Variants in CENPF observed in about 807,000 individuals in gnomAD.
CENPF encodes the protein AH antigen.
CENPF carries 214 observed loss-of-function variants against 307.3 expected under a neutral mutation model. The observed-to-expected ratio is 0.70, with a 90% confidence interval of 0.62 to 0.78. The LOEUF (loss-of-function observed/expected upper bound fraction) is 0.78, where lower values mean the gene tolerates loss of function less well. Ranked by LOEUF, CENPF falls within the 30% of genes least tolerant of loss-of-function variation. The pLI, the probability that CENPF is intolerant of heterozygous loss-of-function variation, is 0.00. For missense variants in CENPF, 3,401 were observed against 3,483.9 expected (o/e 0.98, Z 0.60); for synonymous variants, 1,259 against 1,270.6 (o/e 0.99, Z 0.19).
chr1:214,630,588 A>G lies in CENPF; in HGVS notation c.1249A>G (p.Met417Val). The change falls in exon 9 of 20, where the codon ATG (methionine) becomes GTG (valine). Residue 417 changes from methionine to valine, a missense_variant. Physicochemically the swap from Met to Val is conservative, Grantham distance 21. Transcript: ENST00000366955. ...FQTLDQECIQ[M>V]KARLTQELQQ... ...AACACTGGACCAGGAGTGCATCCAGATGAAGGCCAGACTCACCCAGGAGTT... is the reference window on the plus strand; with the variant it reads ...AACACTGGACCAGGAGTGCATCCAGGTGAAGGCCAGACTCACCCAGGAGTT... The G allele has an allele frequency of 6.2e-7, 1 of 1,614,150 alleles. No individual in the cohort carries two copies. The highest frequency in any genetic ancestry group is 1.1e-5 in the South Asian group (1 of 91,076).
rs776493372 is a variant in CENPF, at chr1:214,646,006, G to A, written c.6436G>A (p.Glu2146Lys). ...LHIAEKLKER[E>K]RENDSLKDKV... ...CATCGCAGAGAAACTGAAAGAACGC[G>A]AGCGGGAGAATGATTCACTTAAGGA... The change falls in exon 13 of 20, where the codon GAG becomes AAG. Residue 2146 changes from glutamate to lysine, a missense_variant. Transcript: ENST00000366955. 8.7e-6 allele frequency: 14 copies of A among 1,613,940 alleles called. No homozygotes were observed. Among genetic ancestry groups the A allele is most frequent in the South Asian group, 4.4e-5 (4 of 91,088 alleles).
At chr1:214,628,144 G>A (rs534572124) in intron 7 of CENPF, among the ~76,000 whole-genome samples, 1 of 152,164 alleles carries the variant, frequency 6.6e-6, no homozygotes, top group African/African-American at 2.4e-5. Flanking sequence ...GTATTATGGA[G>A]CATTCATGAC....
At chr1:214,625,648 C>CT (rs201348980) in intron 7 of CENPF, among the ~76,000 whole-genome samples, 30 of 151,250 alleles carry the variant, frequency 2.0e-4, no homozygotes, top group African/African-American at 4.6e-4. Flanking sequence ...CATTTGTTTT[C>CT]TTTTTTTTTC....
At chr1:214,644,493 A>G in intron 12 of CENPF, 64 bp from the exon 13 acceptor site, 1 of 1,446,052 alleles carries the variant, frequency 6.9e-7, no homozygotes, top group Non-Finnish European at 9.2e-7. Flanking sequence ...TAATAACTAA[A>G]TCTATTCTAT....
intron 1 of CENPF, chr1:214,605,441 G>GT (rs201067704): frequency 0.17 from 64,537 of 387,328 alleles, 242 homozygotes; most frequent in South Asian, 0.24. Context: ...AATCCGCTTT[G>GT]TTTTTTTTTT....
chr1:214,663,382 G>A (rs572534832), intron 19 of CENPF, among the ~76,000 whole-genome samples: 48 of 152,276 alleles, frequency 3.2e-4, no homozygotes, highest in African/African-American at 1.1e-3. Context: ...GCCAAGGGAC[G>A]TCTGATGACT....
Position 214,645,315 on chromosome 1 carries a change from G to A in CENPF, c.5745G>A (p.Glu1915=). The change falls in exon 13 of 20, where the codon GAG becomes GAA. Residue 1915 remains glutamate (E), a synonymous_variant. Coordinates refer to ENST00000366955, the MANE Select transcript of CENPF (RefSeq NM_016343.4). The part of the protein sequence containing the change: ...SRIRSEKASI[E]HEALYLEADL... ...TCAGATCGGAGAAAGCTAGCATTGA[G>A]CATGAAGCCCTCTACCTGGAGGCTG... The A allele has an allele frequency of 1.9e-6, 3 of 1,614,118 alleles. No individual in the cohort carries two copies. The highest frequency in any genetic ancestry group is 2.2e-5 in the South Asian group (2 of 91,086).
In CENPF at chr1:214,663,858, C is replaced by A; in HGVS notation, c.*64C>A. On this transcript the variant is annotated 3_prime_UTR_variant, in exon 20 of 20. Coordinates refer to ENST00000366955, the MANE Select transcript of CENPF (RefSeq NM_016343.4). ...CATTGAATAGATAAGGCTGTGCCTACAGGACTTCTCTTTAGTCAGGGCATG... is the reference window on the plus strand; with the variant it reads ...CATTGAATAGATAAGGCTGTGCCTAAAGGACTTCTCTTTAGTCAGGGCATG... 1 of 1,322,614 alleles carries A rather than the reference C, an allele frequency of 7.6e-7. No individual in the cohort carries two copies. Among genetic ancestry groups the A allele is most frequent in the South Asian group, 1.3e-5 (1 of 77,494 alleles). 81.9% of individuals were successfully genotyped at this position (1,322,614 alleles called of 1,614,324 possible).
intron 14 of CENPF, among the ~76,000 whole-genome samples, chr1:214,650,126 T>G (rs1331781615): frequency 6.6e-6 from 1 of 152,112 alleles, no homozygotes; most frequent in Non-Finnish European, 1.5e-5. Flanking sequence ...GATAGGGTGG[T>G]CAGCAGATTT....
At position 214,642,182 on chromosome 1, in the gene CENPF, A is replaced by G. The variant is rs1658140283; in HGVS notation, c.3844A>G (p.Ser1282Gly). 6.2e-7 allele frequency: 1 copy of G among 1,614,206 alleles called. No homozygotes were observed. The highest frequency in any genetic ancestry group is 1.1e-5 in the South Asian group (1 of 91,084). Residue 1282 changes from serine (S) to glycine (G), a missense_variant, in exon 12 of 20, where the codon AGT becomes GGT. Transcript: ENST00000366955. The stretch of plus-strand genomic sequence containing the variant: ...TTCAGGGCCTCATGAGTTGTCAACA[A>G]GTCAAAACGACAATGCACACCTTCA... ...YISGPHELST[S>G]QNDNAHLQCS...
At chr1:214,608,598 G>A in intron 1 of CENPF, 2 of 1,608,902 alleles carry the variant, frequency 1.2e-6, no homozygotes, top group African/African-American at 1.3e-5. Context: ...TGTCCAGCTC[G>A]CGCTGGCTGT....
chr1:214,630,498 A>G (rs1203095990), intron 8 of CENPF, 36 bp from the exon 9 acceptor site: 5 of 1,612,774 alleles, frequency 3.1e-6, no homozygotes, highest in Middle Eastern at 1.7e-4. Context: ...CTAGCGAACC[A>G]TCATCAGGCT....
intron 9 of CENPF, 140 bp downstream of exon 9, chr1:214,630,802 T>C: frequency 9.2e-7 from 1 of 1,087,304 alleles, no homozygotes. Context: ...GTGGAGAATG[T>C]ACAGAACCAT....
intron 17 of CENPF, among the ~76,000 whole-genome samples, chr1:214,656,511 T>G (rs1363050243): frequency 3.3e-5 from 5 of 152,206 alleles, no homozygotes; most frequent in African/African-American, 1.2e-4. Flanking sequence ...TCTGTTAGAA[T>G]CTTGTCTCCC....
At position 214,645,809 on chromosome 1, in the gene CENPF, G is replaced by A; in HGVS notation, c.6239G>A (p.Ser2080Asn). 6.2e-7 allele frequency: 1 copy of A among 1,614,212 alleles called. No individual in the cohort carries two copies. The highest frequency in any genetic ancestry group is 8.5e-7 in the Non-Finnish European group (1 of 1,180,038). ...KESESLQARL[S>N]ESDYEKLNVS... ...TCTGAAAGCCTGCAGGCCAGACTGA[G>A]TGAATCAGATTATGAAAAGCTGAAT... The change falls in exon 13 of 20, where the codon AGT becomes AAT. Residue 2080 changes from serine to asparagine, a missense_variant. Coordinates refer to ENST00000366955, the MANE Select transcript of CENPF (RefSeq NM_016343.4).
At chr1:214,650,970 T>C (rs1175690769) in intron 14 of CENPF, among the ~76,000 whole-genome samples, 2 of 152,072 alleles carry the variant, frequency 1.3e-5, no homozygotes, top group African/African-American at 4.8e-5. Flanking sequence ...GAAGGAGTGG[T>C]CAGCAGCCCC....
At position 214,640,079 on chromosome 1, in the gene CENPF, A is replaced by G. The variant is rs778851986; in HGVS notation, c.1741A>G (p.Ile581Val). Residue 581 changes from isoleucine (I) to valine (V), a missense_variant, in exon 12 of 20, where the codon ATT becomes GTT. Transcript: ENST00000366955. ...QDLLKKREHH[I>V]EQLNDKLSKT... ...CCTTTTGAAGAAAAGAGAACATCACATTGAACAACTTAATGATAAGTTAAG... is the reference window on the plus strand; with the variant it reads ...CCTTTTGAAGAAAAGAGAACATCACGTTGAACAACTTAATGATAAGTTAAG... 3 of 1,598,764 alleles carry G rather than the reference A, an allele frequency of 1.9e-6. No individual in the cohort carries two copies. The African/African-American group carries it at 4.1e-5, about 22-fold the overall frequency.
At position 214,642,948 on chromosome 1, in the gene CENPF, C is replaced by T. The variant is rs554012507; in HGVS notation, c.4610C>T (p.Thr1537Ile). 1.9e-6 allele frequency: 3 copies of T among 1,613,282 alleles called. No homozygotes were observed. The highest frequency in any genetic ancestry group is 2.2e-5 in the East Asian group (1 of 44,852). The change falls in exon 12 of 20, where the codon ACC becomes ATC. Residue 1537 changes from threonine (T) to isoleucine (I), a missense_variant. Physicochemically the swap from Thr to Ile is moderately conservative, Grantham distance 89 (BLOSUM62 -1). Coordinates refer to ENST00000366955, the MANE Select transcript of CENPF (RefSeq NM_016343.4). ...FCSSLQEENLTRKETPSAPAK... is the reference protein window; with the variant it reads ...FCSSLQEENLIRKETPSAPAK... The stretch of plus-strand genomic sequence containing the variant: ...AGCAGTCTGCAGGAGGAGAATCTGA[C>T]CAGGAAAGAAACCCCTTCGGCCCCA...
At position 214,622,064 on chromosome 1, in the gene CENPF, T is replaced by G. The variant is rs1657520099; in HGVS notation, c.866-15T>G. On this transcript the variant is annotated splice_polypyrimidine_tract_variant and intron_variant, in intron 6 of 19. Transcript: ENST00000366955. ...TATATATGAATTGGAGTGTGATTTT[T>G]GTTTGTGGTTCAAGAGCTAAGAAAC... is the stretch of plus-strand genomic sequence containing the variant. 2.5e-6 allele frequency: 4 copies of G among 1,601,422 alleles called. No individual in the cohort carries two copies. Among genetic ancestry groups the G allele is most frequent in the South Asian group, 2.2e-5 (2 of 88,984 alleles).
Sources: gnomAD v4.1 joint callset for allele counts (sites outside exome capture counted in the v4.1 genomes callset) on GRCh38, gnomAD v4.1.1 for gene constraint, MANE v1.5 for transcripts, NCBI Gene and HGNC (gene_info 2026-07-23, HGNC 2026-07-21) for gene names.